Variants in PDE1C observed in about 807,000 individuals in gnomAD.
The protein encoded by PDE1C is phosphodiesterase 1C, also known as dual specificity calcium/calmodulin-dependent 3',5'-cyclic nucleotide phosphodiesterase 1C.
Under a neutral mutation model 93.1 loss-of-function variants are expected in PDE1C, and 62 were observed. The observed-to-expected ratio is 0.67, with a 90% CI of 0.54 to 0.82. The LOEUF is 0.82. PDE1C is among the 40% of genes least tolerant of loss of function. PDE1C has a pLI of 0.00. For synonymous variants in PDE1C, 325 were observed against 310.1 expected, an observed-to-expected ratio of 1.05 and a Z score of -0.50; for missense variants, 742 against 884.6, an observed-to-expected ratio of 0.84 and a Z score of 2.04.
chr7:32,050,110 T>C (rs1158428481), intron 2 of PDE1C, among the ~76,000 whole-genome samples: 3 of 152,180 alleles, frequency 2.0e-5, no homozygotes, highest in Admixed American at 6.5e-5. Flanking sequence ...GAAAAGCTAA[T>C]GCATTGTACT....
intron 1 of PDE1C, among the ~76,000 whole-genome samples, chr7:32,053,940 G>A (rs1210938280): frequency 3.3e-5 from 5 of 151,794 alleles, no homozygotes; most frequent in African/African-American, 1.2e-4. Context: ...CTTGATTGCT[G>A]GGTGAAATGT....
chr7:32,149,508 C>T (rs940704457), intron 3 of PDE1C, among the ~76,000 whole-genome samples: 5 of 152,186 alleles, frequency 3.3e-5, no homozygotes, highest in Admixed American at 1.3e-4. Context: ...ATGTCCATCA[C>T]GGCATTGCTT....
At chr7:32,305,534 T>C (rs1812976836) in intron 1 of PDE1C, among the ~76,000 whole-genome samples, 1 of 152,242 alleles carries the variant, frequency 6.6e-6, no homozygotes, top group African/African-American at 2.4e-5. Flanking sequence ...ACCTTGGCCT[T>C]GACTCATCCA....
At chr7:31,766,791 A>G (rs1472669002) in intron 17 of PDE1C, among the ~76,000 whole-genome samples, 1 of 152,234 alleles carries the variant, frequency 6.6e-6, no homozygotes, top group African/African-American at 2.4e-5. Context: ...CAAAAAGTGG[A>G]AGACAACCAT....
intron 4 of PDE1C, 48 bp from the exon 5 acceptor site, chr7:31,878,084 G>C: frequency 7.4e-7 from 1 of 1,345,102 alleles, no homozygotes; most frequent in Non-Finnish European, 1.1e-6. Context: ...TATAAAGTAG[G>C]ATTTGTAATC....
intron 2 of PDE1C, among the ~76,000 whole-genome samples, chr7:32,004,244 C>CA (rs1308884820): frequency 3.6e-5 from 5 of 139,272 alleles, no homozygotes; most frequent in African/African-American, 8.3e-5. Context: ...AAATGGCCCC[C>CA]AAAAAACCTG....
At chr7:32,422,248 G>A (rs560920862) in intron 1 of PDE1C, among the ~76,000 whole-genome samples, 1 of 148,676 alleles carries the variant, frequency 6.7e-6, no homozygotes, top group Admixed American at 6.7e-5. Flanking sequence ...GAAGGTTAAG[G>A]CACAGGTGGT....
chr7:31,740,676 A>G, the PDE1C span, among the ~76,000 whole-genome samples: 9 of 152,194 alleles, frequency 5.9e-5, no homozygotes, highest in African/African-American at 1.9e-4. Context: ...AGTTTTCTCA[A>G]TGCTAAAAAT....
upstream of PDE1C, among the ~76,000 whole-genome samples, chr7:32,073,991 C>T (rs1796208693): frequency 2.0e-5 from 3 of 151,992 alleles, no homozygotes; most frequent in Admixed American, 2.0e-4. Flanking sequence ...TGCATATAGA[C>T]ATGCATACAT....
At chr7:31,962,946 G>A (rs1339176369) in intron 2 of PDE1C, among the ~76,000 whole-genome samples, 1 of 152,170 alleles carries the variant, frequency 6.6e-6, no homozygotes, top group Non-Finnish European at 1.5e-5. Context: ...CCTAGCCTGT[G>A]ACCAGGTCAA....
At chr7:32,333,721 G>A (rs1783557624) in intron 1 of PDE1C, among the ~76,000 whole-genome samples, 1 of 152,214 alleles carries the variant, frequency 6.6e-6, no homozygotes, top group Non-Finnish European at 1.5e-5. Flanking sequence ...ACTAGAGTGA[G>A]AATTAAACAA....
chr7:31,633,396 A>C, the PDE1C span, among the ~76,000 whole-genome samples: 1 of 152,342 alleles, frequency 6.6e-6, no homozygotes, highest in South Asian at 2.1e-4. Context: ...CTTGTCACCA[A>C]AAGTGAGTAA....
chr7:32,097,590 G>A (rs142149380), intron 3 of PDE1C, among the ~76,000 whole-genome samples: 2 of 152,268 alleles, frequency 1.3e-5, no homozygotes, highest in African/African-American at 4.8e-5. Context: ...GAGAGAAAAT[G>A]CTCTAAGCCA....
At chr7:32,310,704 C>T (rs980036617) in intron 1 of PDE1C, among the ~76,000 whole-genome samples, 7 of 151,908 alleles carry the variant, frequency 4.6e-5, no homozygotes, top group South Asian at 2.1e-4. Flanking sequence ...TTGAAACCAA[C>T]GAGAACAAAG....
exon 1 of PDE1C, chr7:32,298,821 G>C: frequency 4.1e-6 from 6 of 1,481,230 alleles, no homozygotes; most frequent in African/African-American, 1.5e-5. Context: ...CCCGGGGCTC[G>C]GCGGCGAATC....
chr7:31,622,099 A>G, the PDE1C span, among the ~76,000 whole-genome samples: 1 of 139,448 alleles, frequency 7.2e-6, no homozygotes, highest in African/African-American at 2.7e-5. Context: ...ACCCAGATTC[A>G]TAAAGCAAGT....
intron 13 of PDE1C, among the ~76,000 whole-genome samples, chr7:31,823,630 CT>C (rs1789285978): frequency 6.6e-6 from 1 of 152,098 alleles, no homozygotes; most frequent in Non-Finnish European, 1.5e-5. Flanking sequence ...ACACTGACCA[CT>C]TTTCCAAGTT....
rs1370026260 is a variant in PDE1C at position 32,341,179 on chromosome 7, T to TTATTTTTTTTTATTTTA, written c.310+86642_310+86643insTAAAATAAAAAAAAATA. ...ACTACTCTAGAAATAAAGTCTTTTT[T>TTATTTTTTTTTATTTTA]TTTTTTTTTTTTTTGAGACGGAGTC... On this transcript the variant is annotated intron_variant, in intron 1 of 1. Coordinates refer to the PDE1C transcript ENST00000672256. 4.5e-5 allele frequency among the ~76,000 whole-genome samples: 5 copies of TTATTTTTTTTTATTTTA among 111,498 alleles called. 1 individual carries two copies. Among genetic ancestry groups the TTATTTTTTTTTATTTTA allele is most frequent in the African/African-American group, 1.6e-4 (5 of 31,024 alleles). The allele number at this position is 111,498 out of a possible 152,430, so 73.1% of individuals were successfully genotyped here.
chr7:32,361,796 C>G (rs1292430896), intron 1 of PDE1C, among the ~76,000 whole-genome samples: 2 of 152,174 alleles, frequency 1.3e-5, no homozygotes, highest in African/African-American at 4.8e-5. Flanking sequence ...CAATGCCGCT[C>G]TCCTCCCAAA....
Sources: gnomAD v4.1 joint callset for allele counts (sites outside exome capture counted in the v4.1 genomes callset) on GRCh38, gnomAD v4.1.1 for gene constraint, MANE v1.5 for transcripts, NCBI Gene and HGNC (gene_info 2026-07-23, HGNC 2026-07-21) for gene names.